The following KCNK15 variants were observed in gnomAD, a reference collection of about 807,000 sequenced individuals.
KCNK15 encodes the protein potassium two pore domain channel subfamily K member 15.
Under a neutral mutation model 8.5 loss-of-function variants are expected in KCNK15, and 9 were observed. The observed-to-expected ratio is 1.06, with a 90% CI of 0.64 to 1.85. KCNK15 has a LOEUF of 1.85. Among genes scored for constraint, KCNK15 ranks in the 40% most tolerant of loss-of-function variants. KCNK15 has a pLI of 0.00. For missense variants in KCNK15, 467 were observed against 476.8 expected, an observed-to-expected ratio of 0.98 and a Z score of 0.19; for synonymous variants, 224 against 232.7, an observed-to-expected ratio of 0.96 and a Z score of 0.34.
intron 1 of KCNK15, among the ~76,000 whole-genome samples, 187 bp downstream of exon 1, chr20:44,746,380 G>A (rs2066008147): frequency 6.6e-6 from 1 of 152,192 alleles, no homozygotes; most frequent in African/African-American, 2.4e-5. Flanking sequence ...CCCCTCTGCT[G>A]AATGGAGCTG....
In KCNK15 at chr20:44,746,122, C is replaced by T; in HGVS notation, c.212C>T (p.Pro71Leu). The change falls in exon 1 of 2, where the codon CCC becomes CTC. Residue 71 changes from proline (P) to leucine (L), a missense_variant. Pro to Leu is a moderately conservative substitution (Grantham distance 98). This residue lies in a region of KCNK15 where 455 missense variants were observed against 441.2 expected (regional missense o/e 1.03). Transcript: ENST00000372861. ...ELERLALQAEPHRAGRQWKFP... is the reference protein window; with the variant it reads ...ELERLALQAELHRAGRQWKFP... Reference sequence around the variant, plus strand: ...GAGCGCCTGGCGCTCCAGGCTGAGCCCCACCGCGCCGGCCGCCAGTGGAAG... The same window carrying T: ...GAGCGCCTGGCGCTCCAGGCTGAGCTCCACCGCGCCGGCCGCCAGTGGAAG... The T allele has an allele frequency of 6.9e-7, 1 of 1,444,416 alleles. No homozygotes were observed. The highest frequency in any genetic ancestry group is 1.4e-5 in the South Asian group (1 of 69,930). The allele number at this position is 1,444,416 out of a possible 1,614,324, so 89.5% of individuals were successfully genotyped here. A position where few individuals can be genotyped will look rare whatever the true frequency, so the allele number is the denominator to read the frequency against.
chr20:44,746,426 A>C (rs2066008363), intron 1 of KCNK15, among the ~76,000 whole-genome samples: 1 of 152,088 alleles, frequency 6.6e-6, no homozygotes, highest in East Asian at 1.9e-4. Flanking sequence ...GGAATCAGTA[A>C]ATCGAGTTTG....
chr20:44,747,961 T>C (rs1419764016), intron 1 of KCNK15, among the ~76,000 whole-genome samples: 1 of 152,222 alleles, frequency 6.6e-6, no homozygotes, highest in East Asian at 1.9e-4. Flanking sequence ...GCCTGTGGCC[T>C]TTGGGCAGTT....
At chr20:44,749,533 G>A (rs1221536137) in intron 1 of KCNK15, among the ~76,000 whole-genome samples, 3 of 152,132 alleles carry the variant, frequency 2.0e-5, no homozygotes, top group African/African-American at 7.2e-5. Flanking sequence ...GCTGGAAAGT[G>A]GGGAAAGTTT....
At position 44,746,186 on chromosome 20, in the gene KCNK15, T is replaced by C; in HGVS notation, c.276T>C (p.Thr92=). 7.2e-7 allele frequency: 1 copy of C among 1,384,088 alleles called. No individual in the cohort carries two copies. Among genetic ancestry groups the C allele is most frequent in the Non-Finnish European group, 9.4e-7 (1 of 1,061,652 alleles). The allele number at this position is 1,384,088 out of a possible 1,614,324, so 85.7% of individuals were successfully genotyped here. ...GSFYFAITVI[T]TIEYGHAAPG... ...TCTACTTCGCCATCACCGTCATCAC[T>C]ACCATCGGTGAGCCGCCCGGAGCCT... The change falls in exon 1 of 2, where the codon ACT becomes ACC. Residue 92 remains threonine (T), a synonymous_variant. Coordinates refer to ENST00000372861, the MANE Select transcript of KCNK15 (RefSeq NM_022358.4).
At chr20:44,749,627 C>T (rs563183952) in intron 1 of KCNK15, among the ~76,000 whole-genome samples, 1 of 152,146 alleles carries the variant, frequency 6.6e-6, no homozygotes, top group African/African-American at 2.4e-5. Flanking sequence ...GAACACCTGC[C>T]GCGTAACTGC....
chr20:44,751,172 G>A lies in KCNK15; in HGVS notation c.*334G>A. The stretch of plus-strand genomic sequence containing the variant: ...CCCTCCAGAGCAACTTTTCTGTTGT[G>A]AAGAGGCTGGTTTTCTGAGTAACGG... On this transcript the variant is annotated 3_prime_UTR_variant, in exon 2 of 2. Coordinates refer to ENST00000372861, the MANE Select transcript of KCNK15 (RefSeq NM_022358.4). The A allele has an allele frequency of 5.0e-6, 1 of 199,912 alleles. No homozygotes were observed. Among genetic ancestry groups the A allele is most frequent in the East Asian group, 1.1e-4 (1 of 8,968 alleles). 12.4% of individuals were successfully genotyped at this position (199,912 alleles called of 1,614,324 possible).
chr20:44,750,783 G>C lies in KCNK15; in HGVS notation c.938G>C (p.Gly313Ala). The C allele has an allele frequency of 6.6e-7, 1 of 1,506,908 alleles. No homozygotes were observed. Among genetic ancestry groups the C allele is most frequent in the East Asian group, 2.7e-5 (1 of 37,520 alleles). The allele number at this position is 1,506,908 out of a possible 1,614,324, so 93.3% of individuals were successfully genotyped here. The part of the protein sequence containing the change: ...NLGFSPPSSP[G>A]VVRGGQAPRL... ...GGCTTTTCGCCCCCCTCGAGCCCGG[G>C]GGTCGTGCGTGGCGGGCAGGCTCCC... The change falls in exon 2 of 2, where the codon GGG (glycine) becomes GCG (alanine). Residue 313 changes from glycine to alanine, a missense_variant. By Grantham distance (60) the Gly-to-Ala change is moderately conservative. This residue lies in a region of KCNK15 where 455 missense variants were observed against 441.2 expected (regional missense o/e 1.03). Coordinates refer to ENST00000372861, the MANE Select transcript of KCNK15 (RefSeq NM_022358.4).
At position 44,750,802 on chromosome 20, in the gene KCNK15, G is replaced by A. The variant is rs6073539; in HGVS notation, c.957G>A (p.Gln319=). The change falls in exon 2 of 2, where the codon CAG becomes CAA. Residue 319 remains glutamine (Q), a synonymous_variant. Coordinates refer to ENST00000372861, the MANE Select transcript of KCNK15 (RefSeq NM_022358.4). The part of the protein sequence containing the change: ...PSSPGVVRGG[Q]APRLGARWKS... ...GCCCGGGGGTCGTGCGTGGCGGGCA[G>A]GCTCCCAGGCTTGGGGCCCGGTGGA... is the stretch of plus-strand genomic sequence containing the variant. 1 of 1,491,698 alleles carries A rather than the reference G, an allele frequency of 6.7e-7. No homozygotes were observed. The highest frequency in any genetic ancestry group is 8.9e-7 in the Non-Finnish European group (1 of 1,125,670). 92.4% of individuals were successfully genotyped at this position (1,491,698 alleles called of 1,614,324 possible).
rs772389032 is a variant in KCNK15 at position 44,745,901 on chromosome 20, C to A, written c.-10C>A. 2 of 1,297,406 alleles carry A rather than the reference C, an allele frequency of 1.5e-6. No individual in the cohort carries two copies. Among genetic ancestry groups the A allele is most frequent in the East Asian group, 6.1e-5 (2 of 32,946 alleles). 80.4% of individuals were successfully genotyped at this position (1,297,406 alleles called of 1,614,324 possible). On this transcript the variant is annotated 5_prime_UTR_variant, in exon 1 of 2. Coordinates refer to ENST00000372861, the MANE Select transcript of KCNK15 (RefSeq NM_022358.4). ...GTTGGGACCGCGGCGGGTACCGGGGCCGGGGCGCCATGCGGAGGCCGAGCG... is the reference window on the plus strand; with the variant it reads ...GTTGGGACCGCGGCGGGTACCGGGGACGGGGCGCCATGCGGAGGCCGAGCG...
chr20:44,746,189 C>A lies in KCNK15; in HGVS notation c.279C>A (p.Thr93=). The change falls in exon 1 of 2, where the codon ACC becomes ACA. Residue 93 remains threonine, a synonymous_variant. Coordinates refer to ENST00000372861, the MANE Select transcript of KCNK15 (RefSeq NM_022358.4). Reference sequence around the variant, plus strand: ...ACTTCGCCATCACCGTCATCACTACCATCGGTGAGCCGCCCGGAGCCTCCC... The same window carrying A: ...ACTTCGCCATCACCGTCATCACTACAATCGGTGAGCCGCCCGGAGCCTCCC... ...SFYFAITVIT[T]IEYGHAAPGT... 1 of 1,375,814 alleles carries A rather than the reference C, an allele frequency of 7.3e-7. No individual in the cohort carries two copies. Among genetic ancestry groups the A allele is most frequent in the Non-Finnish European group, 9.5e-7 (1 of 1,057,024 alleles). 85.2% of individuals were successfully genotyped at this position (1,375,814 alleles called of 1,614,324 possible). A position where few individuals can be genotyped will look rare whatever the true frequency, so the allele number is the denominator to read the frequency against.
chr20:44,750,368 G>A lies in KCNK15; in HGVS notation c.523G>A (p.Ala175Thr). The stretch of plus-strand genomic sequence containing the variant: ...GTGTGCCGCCACCCTGGCCCTCGGG[G>A]CCGTCGCCTTCTCGCACTTCGAGGG... ...LACAATLALGAVAFSHFEGWT... is the reference protein window; with the variant it reads ...LACAATLALGTVAFSHFEGWT... Residue 175 changes from alanine (A) to threonine (T), a missense_variant, in exon 2 of 2, where the codon GCC (alanine) becomes ACC (threonine). By Grantham distance (58) the Ala-to-Thr change is moderately conservative. Transcript: ENST00000372861. 1 of 1,613,432 alleles carries A rather than the reference G, an allele frequency of 6.2e-7. No homozygotes were observed. Among genetic ancestry groups the A allele is most frequent in the Non-Finnish European group, 8.5e-7 (1 of 1,179,798 alleles).
chr20:44,750,301 G>A lies in KCNK15; in HGVS notation c.456G>A (p.Thr152=), dbSNP rs151284481. ...AGTGCTGCCTGGGCCTGCGGTGGAC[G>A]TGCGTGTCCACGGAGAACCTGGTGG... ...AAKCCLGLRW[T]CVSTENLVVA... is the part of the protein sequence containing the mutation. The change falls in exon 2 of 2, where the codon ACG becomes ACA. Residue 152 remains threonine (T), a synonymous_variant. Coordinates refer to ENST00000372861, the MANE Select transcript of KCNK15 (RefSeq NM_022358.4). 3 of 1,606,854 alleles carry A rather than the reference G, an allele frequency of 1.9e-6. No individual in the cohort carries two copies. The highest frequency in any genetic ancestry group is 8.5e-7 in the Non-Finnish European group (1 of 1,177,586).
In KCNK15 at chr20:44,745,902, C is replaced by G; in HGVS notation, c.-9C>G. 7.7e-7 allele frequency: 1 copy of G among 1,299,158 alleles called. No individual in the cohort carries two copies. Among genetic ancestry groups the G allele is most frequent in the South Asian group, 2.4e-5 (1 of 40,830 alleles). The allele number at this position is 1,299,158 out of a possible 1,614,324, so 80.5% of individuals were successfully genotyped here. A position where few individuals can be genotyped will look rare whatever the true frequency, so the allele number is the denominator to read the frequency against. ...TTGGGACCGCGGCGGGTACCGGGGC[C>G]GGGGCGCCATGCGGAGGCCGAGCGT... On this transcript the variant is annotated 5_prime_UTR_variant, in exon 1 of 2. Coordinates refer to ENST00000372861, the MANE Select transcript of KCNK15 (RefSeq NM_022358.4).
At position 44,750,389 on chromosome 20, in the gene KCNK15, G is replaced by A. The variant is rs1279983701; in HGVS notation, c.544G>A (p.Glu182Lys). 4 of 1,613,766 alleles carry A rather than the reference G, an allele frequency of 2.5e-6. No homozygotes were observed. The Admixed American group carries it at 6.7e-5, about 27-fold the overall frequency. Residue 182 changes from glutamate to lysine, a missense_variant, in exon 2 of 2, where the codon GAG becomes AAG. Around this residue, in one of 2 missense-constraint regions of KCNK15, gnomAD observed 455 missense variants for 441.2 expected, o/e 1.03. Coordinates refer to ENST00000372861, the MANE Select transcript of KCNK15 (RefSeq NM_022358.4). ...CGGGGCCGTCGCCTTCTCGCACTTCGAGGGCTGGACCTTCTTCCACGCCTA... is the reference window on the plus strand; with the variant it reads ...CGGGGCCGTCGCCTTCTCGCACTTCAAGGGCTGGACCTTCTTCCACGCCTA... Reference protein sequence around the residue: ...ALGAVAFSHFEGWTFFHAYYY... With the variant: ...ALGAVAFSHFKGWTFFHAYYY...
In KCNK15 at chr20:44,750,620, C is replaced by T. The variant is rs750338632; in HGVS notation, c.775C>T (p.Arg259Cys). The T allele has an allele frequency of 1.3e-6, 2 of 1,596,982 alleles. No individual in the cohort carries two copies. The highest frequency in any genetic ancestry group is 2.2e-5 in the East Asian group (1 of 44,640). The change falls in exon 2 of 2, where the codon CGC (arginine) becomes TGC (cysteine). Residue 259 changes from arginine (R) to cysteine (C), a missense_variant. Physicochemically the swap from Arg to Cys is radical, Grantham distance 180. This residue lies in a region of KCNK15 where 455 missense variants were observed against 441.2 expected (regional missense o/e 1.03). Transcript: ENST00000372861. ...CGCCGACTGGCCCGAGCGCGCTGCC[C>T]GCACCCCCAGCCCGCGCCCCCCGGG... ...ASADWPERAA[R>C]TPSPRPPGAP...
rs1164009420 is a variant in KCNK15, at chr20:44,746,161, T to C, written c.251T>C (p.Phe84Ser). Residue 84 changes from phenylalanine to serine, a missense_variant, in exon 1 of 2, where the codon TTC (phenylalanine) becomes TCC (serine). Transcript: ENST00000372861. ...AGRQWKFPGS[F>S]YFAITVITTI... is the part of the protein sequence containing the mutation. ...CGCCAGTGGAAGTTCCCCGGCTCCT[T>C]CTACTTCGCCATCACCGTCATCACT... 2 of 1,418,378 alleles carry C rather than the reference T, an allele frequency of 1.4e-6. No individual in the cohort carries two copies. Among genetic ancestry groups the C allele is most frequent in the Admixed American group, 5.6e-5 (2 of 35,584 alleles). The allele number at this position is 1,418,378 out of a possible 1,614,324, so 87.9% of individuals were successfully genotyped here.
intron 1 of KCNK15, 132 bp downstream of exon 1, chr20:44,746,325 T>C (rs2066007759): frequency 1.3e-6 from 1 of 762,190 alleles, no homozygotes; most frequent in Non-Finnish European, 1.8e-6. Flanking sequence ...TCACCGAGCC[T>C]CCCTCATCTC....
intron 1 of KCNK15, chr20:44,747,267 CA>C (rs1465800495): frequency 2.0e-5 from 3 of 152,222 alleles, no homozygotes; most frequent in Non-Finnish European, 4.4e-5. Flanking sequence ...TCCACCTGTC[CA>C]AGCCCTGGTT....
Sources: gnomAD v4.1 joint callset for allele counts (sites outside exome capture counted in the v4.1 genomes callset) on GRCh38, gnomAD v4.1.1 for gene constraint, gnomAD v4.1.1 regional missense constraint, MANE v1.5 for transcripts, NCBI Gene and HGNC (gene_info 2026-07-23, HGNC 2026-07-21) for gene names.